The following IKBKB variants were observed in gnomAD, a reference collection of about 807,000 sequenced individuals.
The protein encoded by IKBKB is inhibitor of nuclear factor kappa-B kinase subunit beta.
A neutral mutation model predicts 113.6 loss-of-function variants in IKBKB; 42 were observed. That is an observed-to-expected ratio of 0.37 (90% CI 0.29 to 0.48). The LOEUF is 0.48. Among genes scored for constraint, IKBKB ranks in the 20% least tolerant of loss-of-function variants. The pLI, the probability that IKBKB is intolerant of heterozygous loss-of-function variation, is 0.99. For missense variants in IKBKB, 673 were observed against 939.7 expected, an observed-to-expected ratio of 0.72 and a Z score of 3.71; for synonymous variants, 296 against 361.3, an observed-to-expected ratio of 0.82 and a Z score of 2.05.
At chr8:42,310,400 A>C (rs1248696936) in intron 8 of IKBKB, among the ~76,000 whole-genome samples, 3 of 152,140 alleles carry the variant, frequency 2.0e-5, no homozygotes, top group Non-Finnish European at 4.4e-5. Context: ...AGGTGTTCGT[A>C]TCTTCCAGGG....
intron 5 of IKBKB, among the ~76,000 whole-genome samples, chr8:42,295,032 T>A (rs937185441): frequency 2.6e-5 from 4 of 152,144 alleles, no homozygotes; most frequent in Non-Finnish European, 5.9e-5. Context: ...AGTTATTATT[T>A]TTTTTTTGGA....
rs182579184 is a variant in IKBKB, at chr8:42,287,182, C to T, written c.106-1452C>T. Among the ~76,000 whole-genome samples the T allele has an allele frequency of 2.4e-3, 371 of 152,306 alleles. 4 individuals carry two copies. The highest frequency in any genetic ancestry group is 8.6e-3 in the African/African-American group (358 of 41,554). ...CCGTGCCACAGCCTCAGGGCCTGCC[C>T]GTCTCCAGTGTCCCCACTCATGCAC... is the stretch of plus-strand genomic sequence containing the variant. On this transcript the variant is annotated intron_variant, in intron 2 of 21. Coordinates refer to ENST00000520810, the MANE Select transcript of IKBKB (RefSeq NM_001556.3).
intron 12 of IKBKB, among the ~76,000 whole-genome samples, chr8:42,318,001 C>G (rs1819015174): frequency 6.6e-6 from 1 of 152,138 alleles, no homozygotes; most frequent in Non-Finnish European, 1.5e-5. Flanking sequence ...GTGGCTCACA[C>G]CTGTAATCCC....
Position 42,289,733 on chromosome 8 carries a change from G to A in IKBKB, c.201-423G>A, listed in dbSNP as rs142644721. Among the ~76,000 whole-genome samples the A allele has an allele frequency of 3.5e-4, 54 of 152,236 alleles. 1 individual carries two copies. In the East Asian group the frequency reaches 8.3e-3, roughly 23 times the overall value. ...GTCCACCTTGGGGTGATGTGTGTGC[G>A]TGAACCAACCTGCCGAAAATTAAAC... On this transcript the variant is annotated intron_variant, in intron 3 of 21. Coordinates refer to ENST00000520810, the MANE Select transcript of IKBKB (RefSeq NM_001556.3).
At chr8:42,326,709 A>G (rs758614101) in intron 20 of IKBKB, among the ~76,000 whole-genome samples, 1 of 152,136 alleles carries the variant, frequency 6.6e-6, no homozygotes, top group African/African-American at 2.4e-5. Context: ...GTCAAGTCTC[A>G]TCTGGGCCAG....
At chr8:42,273,999 A>G (rs1414958930) in intron 2 of IKBKB, among the ~76,000 whole-genome samples, 5 of 152,078 alleles carry the variant, frequency 3.3e-5, no homozygotes, top group Non-Finnish European at 5.9e-5. Context: ...GAAACAGTCA[A>G]AATTCTTTCT....
In IKBKB at chr8:42,272,939, C is replaced by CAAA. The variant is rs71221204; in HGVS notation, c.105+754_105+756dup. ...TGGGTAACAGAGTGAGACTCCGTCT[C>CAAA]AAAAAAAAAAAAAAAAAAAAAACCT... On this transcript the variant is annotated intron_variant, in intron 2 of 21. Transcript: ENST00000520810. Among the ~76,000 whole-genome samples the CAAA allele has an allele frequency of 1.1e-3, 54 of 51,354 alleles. 1 individual carries two copies. Among genetic ancestry groups the CAAA allele is most frequent in the African/African-American group, 2.6e-3 (39 of 14,848 alleles). 33.7% of individuals were successfully genotyped at this position (51,354 alleles called of 152,430 possible). A position where few individuals can be genotyped will look rare whatever the true frequency, so the allele number is the denominator to read the frequency against.
Position 42,329,160 on chromosome 8 carries a change from C to G in IKBKB, c.2151C>G (p.Thr717=), listed in dbSNP as rs1040646933. 1 of 1,604,682 alleles carries G rather than the reference C, an allele frequency of 6.2e-7. No individual in the cohort carries two copies. Among genetic ancestry groups the G allele is most frequent in the Non-Finnish European group, 8.5e-7 (1 of 1,176,816 alleles). ...ELVAEAHNLC[T]LLENAIQDTV... ...TGGCTGAAGCACATAACCTCTGCAC[C>G]CTGCTAGAAAATGCCATACAGGACA... The change falls in exon 21 of 22, where the codon ACC becomes ACG. Residue 717 remains threonine (T), a synonymous_variant. Coordinates refer to ENST00000520810, the MANE Select transcript of IKBKB (RefSeq NM_001556.3).
At chr8:42,304,277 A>G (rs1027711522) in intron 5 of IKBKB, among the ~76,000 whole-genome samples, 2 of 152,236 alleles carry the variant, frequency 1.3e-5, no homozygotes, top group African/African-American at 4.8e-5. Context: ...ATCTCATTTC[A>G]GTACTATTTA....
In IKBKB at chr8:42,290,281, T is replaced by C. The variant is rs202226409; in HGVS notation, c.318+8T>C. The C allele has an allele frequency of 6.3e-7, 1 of 1,589,434 alleles. No homozygotes were observed. The highest frequency in any genetic ancestry group is 1.3e-5 in the African/African-American group (1 of 74,206). On this transcript the variant is annotated splice_region_variant and intron_variant, in intron 4 of 21. Coordinates refer to ENST00000520810, the MANE Select transcript of IKBKB (RefSeq NM_001556.3). Reference sequence around the variant, plus strand: ...GGAGGAGATCTCCGGAAGGTGAGGCTCCCACGGCTGCCAGGTGCACAGCCT... The same window carrying C: ...GGAGGAGATCTCCGGAAGGTGAGGCCCCCACGGCTGCCAGGTGCACAGCCT...
At chr8:42,330,325 G>A (rs531521915) in intron 21 of IKBKB, 344 of 982,820 alleles carry the variant, frequency 3.5e-4, no homozygotes, top group Non-Finnish European at 4.1e-4. Context: ...TTAATAAAAG[G>A]GTTTGGCTTT....
chr8:42,294,410 C>G (rs1404105055), intron 5 of IKBKB, among the ~76,000 whole-genome samples: 3 of 152,114 alleles, frequency 2.0e-5, no homozygotes, highest in African/African-American at 7.2e-5. Context: ...TACCGTTCCC[C>G]TCGGTTCACC....
At chr8:42,272,631 C>G (rs1808022163) in intron 2 of IKBKB, among the ~76,000 whole-genome samples, 1 of 151,940 alleles carries the variant, frequency 6.6e-6, no homozygotes, top group African/African-American at 2.4e-5. Flanking sequence ...CTCGTCTCTA[C>G]AAAAAAGGTT....
rs1032814053 is a variant in IKBKB, at chr8:42,331,235, G to A, written c.*256G>A. 1.7e-5 allele frequency: 12 copies of A among 709,516 alleles called. No homozygotes were observed. Among genetic ancestry groups the A allele is most frequent in the Non-Finnish European group, 2.8e-5 (11 of 392,782 alleles). The allele number at this position is 709,516 out of a possible 1,614,324, so 44.0% of individuals were successfully genotyped here. ...GCAGCCCTCCGTGGGCACTGCCGGC[G>A]CCTTGTCTGCACACTGGAGGTCCTC... On this transcript the variant is annotated 3_prime_UTR_variant, in exon 22 of 22. Coordinates refer to ENST00000520810, the MANE Select transcript of IKBKB (RefSeq NM_001556.3).
chr8:42,323,723 G>A (rs1293236122), intron 19 of IKBKB, among the ~76,000 whole-genome samples: 5 of 152,168 alleles, frequency 3.3e-5, no homozygotes, highest in Non-Finnish European at 4.4e-5. Context: ...CCTTGGGAGC[G>A]TGATTGACAC....
At chr8:42,329,247 TG>T (rs1821358522) in intron 21 of IKBKB, 33 bp downstream of exon 21, 2 of 1,536,416 alleles carry the variant, frequency 1.3e-6, no homozygotes, top group Admixed American at 2.3e-5. Context: ...TGCGATTCCA[TG>T]TCCTTTCTTT....
chr8:42,298,610 C>A, intron 5 of IKBKB: 1 of 392,238 alleles, frequency 2.5e-6, no homozygotes, highest in Non-Finnish European at 3.5e-6. Context: ...CATAAGTAAC[C>A]AGGTTAATAA....
rs1325687220 is a variant in IKBKB, at chr8:42,272,154, A to G, written c.54A>G (p.Lys18=). Residue 18 remains lysine, a synonymous_variant, in exon 2 of 22, where the codon AAA becomes AAG. Transcript: ENST00000520810. ...AGACATGTGGGGCCTGGGAAATGAA[A>G]GAGCGCCTTGGGACAGGGGGATTTG... The part of the protein sequence containing the change: ...TTQTCGAWEM[K]ERLGTGGFGN... 6.2e-7 allele frequency: 1 copy of G among 1,614,190 alleles called. No homozygotes were observed. The highest frequency in any genetic ancestry group is 1.1e-5 in the South Asian group (1 of 91,086).
chr8:42,320,880 A>G, intron 16 of IKBKB, 36 bp downstream of exon 16: 10 of 1,353,112 alleles, frequency 7.4e-6, no homozygotes, highest in Non-Finnish European at 1.0e-5. Context: ...TGTGCCCAGC[A>G]CACACAGACA....
Sources: allele counts gnomAD v4.1 joint callset (sites outside exome capture counted in the v4.1 genomes callset), GRCh38; gene constraint gnomAD v4.1.1; transcripts MANE v1.5; gene names NCBI Gene and HGNC (gene_info 2026-07-23, HGNC 2026-07-21).